CPQ: variants seen among roughly 807,000 people sequenced by gnomAD.
The protein encoded by CPQ is Ser-Met dipeptidase.
Under a neutral mutation model 45.7 loss-of-function variants are expected in CPQ, and 37 were observed. The ratio of observed to expected loss-of-function variants is 0.81; its 90% CI spans 0.62 to 1.07. CPQ has a LOEUF of 1.07. Among genes scored for constraint, CPQ ranks in the 50% least tolerant of loss-of-function variants. The probability of loss-of-function intolerance (pLI) is 0.00; values close to 1 mark genes in which losing one functional copy is unlikely to be tolerated. For synonymous variants in CPQ, 186 were observed against 205.8 expected (o/e 0.90, Z 0.82); for missense variants, 537 against 572.9 (o/e 0.94, Z 0.64).
chr8:96,683,077 G>C (rs956810029), intron 1 of CPQ, among the ~76,000 whole-genome samples: 39 of 151,898 alleles, frequency 2.6e-4, no homozygotes, highest in Non-Finnish European at 7.4e-5. Flanking sequence ...TAGCGGTAAT[G>C]TTTCACTTCT....
chr8:96,939,024 T>C (rs1367773119), intron 4 of CPQ, among the ~76,000 whole-genome samples: 7 of 152,212 alleles, frequency 4.6e-5, no homozygotes. Flanking sequence ...TATTTCGTCA[T>C]ACAAGGTATC....
intron 6 of CPQ, among the ~76,000 whole-genome samples, chr8:97,032,119 T>C (rs1809917590): frequency 6.6e-6 from 1 of 152,210 alleles, no homozygotes; most frequent in Non-Finnish European, 1.5e-5. Flanking sequence ...TCCAGTTCAC[T>C]CCAGTCACAA....
At chr8:96,819,365 G>T (rs753404306) in intron 2 of CPQ, among the ~76,000 whole-genome samples, 2 of 152,046 alleles carry the variant, frequency 1.3e-5, no homozygotes, top group Non-Finnish European at 2.9e-5. Flanking sequence ...GGCACTCTAG[G>T]TATATAACCA....
rs75039786 is a variant in CPQ, at chr8:96,956,831, A to G, written c.850-9104A>G. ...ATTTGGCTTGTTTCCTAGAGTCTCA[A>G]CACAGGAGTTATTAACTGCGATGAC... On this transcript the variant is annotated intron_variant, in intron 4 of 7. Coordinates refer to ENST00000220763, the MANE Select transcript of CPQ (RefSeq NM_016134.4). 9.2e-5 allele frequency among the ~76,000 whole-genome samples: 14 copies of G among 152,346 alleles called. No homozygotes were observed. In the East Asian group the frequency reaches 2.3e-3, roughly 25 times the overall value.
chr8:97,056,363 G>C (rs1810456189), intron 6 of CPQ: 3 of 152,116 alleles, frequency 2.0e-5, no homozygotes, highest in Admixed American at 2.0e-4. Context: ...GAAAAGAAGA[G>C]GCCTTTAGTC....
At chr8:97,106,512 C>T (rs746696855) in intron 7 of CPQ, among the ~76,000 whole-genome samples, 2 of 152,250 alleles carry the variant, frequency 1.3e-5, no homozygotes, top group Non-Finnish European at 2.9e-5. Context: ...TCTAGAGCTG[C>T]TCCTTGGGAG....
intron 3 of CPQ, among the ~76,000 whole-genome samples, chr8:96,838,040 A>G (rs1811554474): frequency 6.6e-6 from 1 of 151,664 alleles, no homozygotes; most frequent in African/African-American, 2.4e-5. Context: ...GCAACCCTCC[A>G]TTTCCCTTCT....
At chr8:96,719,265 G>T (rs1294781179) in intron 1 of CPQ, among the ~76,000 whole-genome samples, 1 of 152,226 alleles carries the variant, frequency 6.6e-6, no homozygotes, top group Non-Finnish European at 1.5e-5. Flanking sequence ...GAGAAATCGA[G>T]CGCAGCGCTG....
intron 2 of CPQ, among the ~76,000 whole-genome samples, chr8:96,794,981 C>T (rs147773128): frequency 1.3e-5 from 2 of 152,222 alleles, no homozygotes; most frequent in African/African-American, 4.8e-5. Flanking sequence ...CAGGGAGTTC[C>T]ACACTTTCCC....
chr8:96,667,806 C>G (rs1337094029), intron 1 of CPQ, among the ~76,000 whole-genome samples: 1 of 152,124 alleles, frequency 6.6e-6, no homozygotes, highest in Non-Finnish European at 1.5e-5. Flanking sequence ...TGTCTGAAGT[C>G]CTGTCTCTTA....
At chr8:96,758,686 C>T in intron 1 of CPQ, among the ~76,000 whole-genome samples, 1 of 152,060 alleles carries the variant, frequency 6.6e-6, no homozygotes, top group East Asian at 1.9e-4. Context: ...TCTCAAGTAG[C>T]CCTATTGATT....
chr8:96,661,238 T>C (rs1472137277), intron 1 of CPQ, among the ~76,000 whole-genome samples: 1 of 152,192 alleles, frequency 6.6e-6, no homozygotes, highest in Non-Finnish European at 1.5e-5. Flanking sequence ...CAGTTTTAGA[T>C]TGAGAAGGTG....
chr8:97,139,731 A>C (rs894318510), intron 7 of CPQ, among the ~76,000 whole-genome samples: 2 of 152,126 alleles, frequency 1.3e-5, no homozygotes, highest in Non-Finnish European at 1.5e-5. Context: ...AGATACAGCT[A>C]AAGCAGTATT....
intron 1 of CPQ, among the ~76,000 whole-genome samples, chr8:96,699,663 C>T (rs1287334636): frequency 6.6e-6 from 1 of 151,836 alleles, no homozygotes; most frequent in East Asian, 1.9e-4. Flanking sequence ...TAATATAAAC[C>T]ACAGTGTCAT....
chr8:96,873,537 C>T (rs1812107149), intron 3 of CPQ, among the ~76,000 whole-genome samples: 1 of 151,448 alleles, frequency 6.6e-6, no homozygotes, highest in African/African-American at 2.4e-5. Context: ...GAAAATTTTC[C>T]AAGAGTTATT....
At chr8:96,724,884 C>T (rs1437461513) in intron 1 of CPQ, among the ~76,000 whole-genome samples, 1 of 152,058 alleles carries the variant, frequency 6.6e-6, no homozygotes, top group Admixed American at 6.6e-5. Flanking sequence ...CAAAAACAGA[C>T]ACATACACCA....
chr8:96,951,802 A>C (rs2130338448), intron 4 of CPQ, among the ~76,000 whole-genome samples: 1 of 152,192 alleles, frequency 6.6e-6, no homozygotes, highest in South Asian at 2.1e-4. Flanking sequence ...GTCTGTATAA[A>C]ACATGCTTAT....
intron 2 of CPQ, among the ~76,000 whole-genome samples, chr8:96,808,490 C>T (rs539979848): frequency 6.6e-6 from 1 of 152,242 alleles, no homozygotes; most frequent in South Asian, 2.1e-4. Flanking sequence ...GTTTTCTCTT[C>T]CTGTCCCTCC....
At chr8:97,101,936 CT>C (rs1811315240) in intron 7 of CPQ, among the ~76,000 whole-genome samples, 1 of 146,010 alleles carries the variant, frequency 6.8e-6, no homozygotes, top group African/African-American at 2.7e-5. Context: ...CTCTCTCTCT[CT>C]CTCTCCCTCC....
Sources: gnomAD v4.1 joint callset for allele counts (sites outside exome capture counted in the v4.1 genomes callset) on GRCh38, gnomAD v4.1.1 for gene constraint, MANE v1.5 for transcripts, NCBI Gene and HGNC (gene_info 2026-07-23, HGNC 2026-07-21) for gene names.